Variants in GPR176 observed in about 807,000 individuals in gnomAD.
GPR176 encodes the protein G protein-coupled receptor 176, also known as G-protein coupled receptor 176.
A neutral mutation model predicts 35.4 loss-of-function variants in GPR176; 26 were observed. That is an observed-to-expected ratio of 0.74 (90% CI 0.54 to 1.02). GPR176 has a LOEUF of 1.02. Ranked by LOEUF, GPR176 falls within the 50% of genes least tolerant of loss-of-function variation. GPR176 has a pLI of 0.00. For synonymous variants in GPR176, 278 were observed against 271.3 expected (o/e 1.02, Z -0.24); for missense variants, 597 against 665.3 (o/e 0.90, Z 1.13).
At chr15:39,918,566 T>C (rs1225083026) in intron 1 of GPR176, among the ~76,000 whole-genome samples, 1 of 152,168 alleles carries the variant, frequency 6.6e-6, no homozygotes, top group Non-Finnish European at 1.5e-5. Context: ...TAACTCCCAA[T>C]AACCTACAAT....
At chr15:39,893,678 G>A (rs4812525) in intron 1 of GPR176, among the ~76,000 whole-genome samples, 399 of 151,882 alleles carry the variant, frequency 2.6e-3, no homozygotes, top group African/African-American at 8.7e-3. Flanking sequence ...CAGTAGGGGC[G>A]GCCGGGCAGA....
At chr15:39,895,255 A>T (rs71403567) in intron 1 of GPR176, among the ~76,000 whole-genome samples, 1 of 125,852 alleles carries the variant, frequency 7.9e-6, no homozygotes, top group Non-Finnish European at 1.7e-5. Context: ...GAGGGAGACC[A>T]TGGGGAGAGG....
chr15:39,876,474 C>T (rs531628864), intron 1 of GPR176, among the ~76,000 whole-genome samples: 3 of 151,868 alleles, frequency 2.0e-5, no homozygotes, highest in Non-Finnish European at 2.9e-5. Flanking sequence ...GTATGAGCTG[C>T]AATTCTCAAA....
intron 1 of GPR176, among the ~76,000 whole-genome samples, chr15:39,819,226 A>C (rs563769515): frequency 1.8e-4 from 27 of 152,298 alleles, no homozygotes; most frequent in Non-Finnish European, 3.4e-4. Flanking sequence ...TTAAATATCT[A>C]CTACACAGGC....
intron 1 of GPR176, among the ~76,000 whole-genome samples, chr15:39,917,917 T>C (rs2033769070): frequency 6.6e-6 from 1 of 151,506 alleles, no homozygotes; most frequent in Non-Finnish European, 1.5e-5. Context: ...TGGTGGTGGG[T>C]GCCTGTAATC....
intron 1 of GPR176, among the ~76,000 whole-genome samples, chr15:39,808,177 T>A (rs1049015563): frequency 5.9e-5 from 9 of 152,200 alleles, no homozygotes; most frequent in African/African-American, 2.2e-4. Flanking sequence ...AAAATGCTGA[T>A]GACTCCCAAA....
At chr15:39,889,125 T>G (rs768840802) in intron 1 of GPR176, among the ~76,000 whole-genome samples, 2 of 152,210 alleles carry the variant, frequency 1.3e-5, no homozygotes, top group Non-Finnish European at 2.9e-5. Context: ...CTCCTGACAT[T>G]GCAAGGTTTA....
chr15:39,891,594 C>A (rs2032874584), intron 1 of GPR176, among the ~76,000 whole-genome samples: 1 of 152,210 alleles, frequency 6.6e-6, no homozygotes, highest in East Asian at 1.9e-4. Context: ...GCTTCAGCCT[C>A]CCAAAGCACT....
chr15:39,813,415 T>C (rs923259913), intron 1 of GPR176: 1 of 152,130 alleles, frequency 6.6e-6, no homozygotes, highest in South Asian at 2.1e-4. Flanking sequence ...TTTGAAAGAG[T>C]ATTTTTGCTG....
At chr15:39,885,197 A>G (rs1020267004) in intron 1 of GPR176, among the ~76,000 whole-genome samples, 1 of 152,232 alleles carries the variant, frequency 6.6e-6, no homozygotes, top group Non-Finnish European at 1.5e-5. Context: ...AACCTCAAAG[A>G]GCATTTGAAA....
At chr15:39,824,908 T>C (rs1595453512) in intron 1 of GPR176, among the ~76,000 whole-genome samples, 1 of 152,292 alleles carries the variant, frequency 6.6e-6, no homozygotes, top group South Asian at 2.1e-4. Context: ...ACATGTTTAC[T>C]GTTACAATGG....
chr15:39,869,877 C>G (rs1365675339), intron 1 of GPR176, among the ~76,000 whole-genome samples: 1 of 152,072 alleles, frequency 6.6e-6, no homozygotes, highest in Admixed American at 6.5e-5. Context: ...ATTAGTATAT[C>G]TAGAAGTAAA....
chr15:39,807,568 T>C (rs66490630), intron 1 of GPR176: 82,009 of 1,512,158 alleles, frequency 0.054, 3,305 homozygotes, highest in East Asian at 0.16. Flanking sequence ...TAGTTATTAC[T>C]TAATCCCAGG....
chr15:39,901,956 T>C (rs920254662), intron 1 of GPR176, among the ~76,000 whole-genome samples: 10 of 149,920 alleles, frequency 6.7e-5, no homozygotes, highest in African/African-American at 2.2e-4. Context: ...TGGTGGTGCA[T>C]GTCTGTAATC....
chr15:39,836,086 C>A (rs1901384845), intron 1 of GPR176, among the ~76,000 whole-genome samples: 1 of 152,062 alleles, frequency 6.6e-6, no homozygotes, highest in Non-Finnish European at 1.5e-5. Context: ...CAGAGTGAGA[C>A]CTGTCTCAAA....
At chr15:39,837,275 T>G (rs963816616) in intron 1 of GPR176, among the ~76,000 whole-genome samples, 1 of 152,186 alleles carries the variant, frequency 6.6e-6, no homozygotes, top group Non-Finnish European at 1.5e-5. Flanking sequence ...CACAGTACTA[T>G]AAGTGCCTGA....
chr15:39,805,629 C>A (rs1899142617), intron 2 of GPR176, among the ~76,000 whole-genome samples: 1 of 152,092 alleles, frequency 6.6e-6, no homozygotes, highest in African/African-American at 2.4e-5. Context: ...TTGTCACCTG[C>A]CTTGTTTGGC....
At chr15:39,849,800 A>C (rs1240820824) in intron 1 of GPR176, among the ~76,000 whole-genome samples, 5 of 152,156 alleles carry the variant, frequency 3.3e-5, no homozygotes, top group East Asian at 1.9e-4. Context: ...GTCAGGCATC[A>C]CTTAATGACA....
rs747166901 is a variant in GPR176 at position 39,800,377 on chromosome 15, A to C, written c.*755T>G. ...ATTTAAGGTGAAAGACAGAGCGAAGACTTTTCAGTGTTTTCCAGCCAACAC... is the reference window on the plus strand; with the variant it reads ...ATTTAAGGTGAAAGACAGAGCGAAGCCTTTTCAGTGTTTTCCAGCCAACAC... On this transcript the variant is annotated 3_prime_UTR_variant, in exon 3 of 3. Transcript: ENST00000561100. 2 of 152,202 alleles carry C rather than the reference A, an allele frequency of 1.3e-5. No homozygotes were observed. The highest frequency in any genetic ancestry group is 2.9e-5 in the Non-Finnish European group (2 of 68,046). 9.4% of individuals were successfully genotyped at this position (152,202 alleles called of 1,614,324 possible).
Sources: gnomAD v4.1 joint callset for allele counts (sites outside exome capture counted in the v4.1 genomes callset) on GRCh38, gnomAD v4.1.1 for gene constraint, MANE v1.5 for transcripts, NCBI Gene and HGNC (gene_info 2026-07-23, HGNC 2026-07-21) for gene names.